DPP4: variants seen among roughly 807,000 people sequenced by gnomAD.
DPP4 encodes the protein dipeptidyl peptidase 4, also known as ADCP-2.
DPP4 carries 93 observed loss-of-function variants against 122.4 expected under a neutral mutation model. The observed-to-expected ratio is 0.76, with a 90% confidence interval of 0.64 to 0.90. DPP4 has a LOEUF of 0.90. DPP4 is among the 40% of genes least tolerant of loss of function. The pLI is 0.00. For synonymous variants in DPP4, 321 were observed against 302.9 expected (o/e 1.06, Z -0.62); for missense variants, 914 against 907.3 (o/e 1.01, Z -0.09).
chr2:162,011,509 A>T (rs546956544), intron 20 of DPP4, among the ~76,000 whole-genome samples: 1 of 151,980 alleles, frequency 6.6e-6, no homozygotes, highest in Admixed American at 6.5e-5. Context: ...ATGAATTTTG[A>T]TTTTCTGTTC....
intron 10 of DPP4, 137 bp from the exon 11 acceptor site, chr2:162,025,076 A>G: frequency 1.1e-6 from 1 of 917,462 alleles, no homozygotes; most frequent in Non-Finnish European, 1.6e-6. Context: ...GGTTAATGAA[A>G]CCATTTAATA....
rs534705999 is a variant in DPP4 at position 162,073,947 on chromosome 2, C to T, written c.6+29G>A. On this transcript the variant is annotated intron_variant, in intron 1 of 25. Transcript: ENST00000360534. ...TGGCGAAGAGGTCCCCACAGCTCGC[C>T]CCGGGGACGTACGTGGCGCGGCACT... 7 of 1,611,466 alleles carry T rather than the reference C, an allele frequency of 4.3e-6. No homozygotes were observed. In the South Asian group the frequency reaches 7.7e-5, roughly 18 times the overall value.
At chr2:161,995,460 C>T (rs1302288452) in intron 23 of DPP4, 88 bp from the exon 24 acceptor site, 2 of 1,283,876 alleles carry the variant, frequency 1.6e-6, no homozygotes, top group East Asian at 2.3e-5. Context: ...AAAATGTTTT[C>T]AGCTGGGGCC....
intron 10 of DPP4, among the ~76,000 whole-genome samples, chr2:162,031,505 A>G (rs1683549776): frequency 6.6e-6 from 1 of 152,150 alleles, no homozygotes; most frequent in African/African-American, 2.4e-5. Context: ...TCCTCCCTAC[A>G]GGCAGATATT....
chr2:162,044,265 C>T (rs1001227912), intron 5 of DPP4, among the ~76,000 whole-genome samples: 1 of 152,150 alleles, frequency 6.6e-6, no homozygotes, highest in Non-Finnish European at 1.5e-5. Context: ...TTTAACAGAA[C>T]ATAGAGTCTT....
chr2:162,045,869 C>T (rs1476703915), intron 4 of DPP4, among the ~76,000 whole-genome samples: 3 of 152,188 alleles, frequency 2.0e-5, no homozygotes, highest in Admixed American at 2.0e-4. Context: ...GAAAAGAAAA[C>T]TTTCTCAACA....
chr2:162,010,966 A>G (rs1355798643), intron 20 of DPP4, among the ~76,000 whole-genome samples: 3 of 152,126 alleles, frequency 2.0e-5, no homozygotes, highest in African/African-American at 7.2e-5. Flanking sequence ...TACATTTCCC[A>G]CATACCAGTT....
Position 162,024,927 on chromosome 2 carries a change from C to T in DPP4, c.900G>A (p.Leu300=). 6.2e-7 allele frequency: 1 copy of T among 1,613,292 alleles called. No individual in the cohort carries two copies. Among genetic ancestry groups the T allele is most frequent in the South Asian group, 1.1e-5 (1 of 91,042 alleles). ...PASMLIGDHY[L]CDVTWATQER... ...CTTGTGTTGCCCATGTCACATCACACAAGTAGTGATCCCTGGAAGGAAGAA... is the reference window on the plus strand; with the variant it reads ...CTTGTGTTGCCCATGTCACATCACATAAGTAGTGATCCCTGGAAGGAAGAA... The change falls in exon 11 of 26, where the codon TTG becomes TTA. Residue 300 remains leucine (L), a synonymous_variant. Transcript: ENST00000360534.
At chr2:162,013,022 T>G (rs1452119439) in intron 19 of DPP4, among the ~76,000 whole-genome samples, 1 of 152,112 alleles carries the variant, frequency 6.6e-6, no homozygotes, top group Non-Finnish European at 1.5e-5. Context: ...TTTTTTCACA[T>G]GTGAAATGCC....
rs187675078 is a variant in DPP4, at chr2:162,038,887, T to C, written c.492+62A>G. On this transcript the variant is annotated intron_variant, in intron 7 of 25. Coordinates refer to ENST00000360534, the MANE Select transcript of DPP4 (RefSeq NM_001935.4). Reference sequence around the variant, plus strand: ...GATGTCTGCTTTGTATCAGGGTTAGTAACTTCTGCCTATGAAAAATTTGAG... The same window carrying C: ...GATGTCTGCTTTGTATCAGGGTTAGCAACTTCTGCCTATGAAAAATTTGAG... 120 of 1,439,280 alleles carry C rather than the reference T, an allele frequency of 8.3e-5. 1 individual carries two copies. In the East Asian group the frequency reaches 2.6e-3, roughly 31 times the overall value. The allele number at this position is 1,439,280 out of a possible 1,614,324, so 89.2% of individuals were successfully genotyped here.
At position 162,011,874 on chromosome 2, in the gene DPP4, C is replaced by A; in HGVS notation, c.1751G>T (p.Gly584Val). The change falls in exon 20 of 26, where the codon GGT (glycine) becomes GTT (valine). Residue 584 changes from glycine (G) to valine (V), a missense_variant. Transcript: ENST00000360534. ...ATGCATGATCTTATCTCCTTGGTAA[C>A]CACTTCCTCTGCCATCAAAGCTAGC... Reference protein sequence around the residue: ...IVASFDGRGSGYQGDKIMHAI... With the variant: ...IVASFDGRGSVYQGDKIMHAI... The A allele has an allele frequency of 1.2e-6, 2 of 1,613,804 alleles. No homozygotes were observed. The highest frequency in any genetic ancestry group is 1.7e-6 in the Non-Finnish European group (2 of 1,179,770).
At chr2:162,034,375 T>C (rs568468294) in intron 9 of DPP4, among the ~76,000 whole-genome samples, 1 of 152,276 alleles carries the variant, frequency 6.6e-6, no homozygotes, top group South Asian at 2.1e-4. Context: ...CCATATTTAG[T>C]CTCTGATCTT....
chr2:162,006,840 C>T (rs1359239117), intron 22 of DPP4, among the ~76,000 whole-genome samples: 1 of 151,982 alleles, frequency 6.6e-6, no homozygotes, highest in Non-Finnish European at 1.5e-5. Context: ...TTTTATCTTG[C>T]CATTGTGCTA....
chr2:162,065,545 T>G (rs1225943102), intron 2 of DPP4, among the ~76,000 whole-genome samples: 1 of 152,184 alleles, frequency 6.6e-6, no homozygotes, highest in Non-Finnish European at 1.5e-5. Flanking sequence ...TCAAATAACT[T>G]TTGGCCAGGT....
chr2:162,002,008 C>A (rs1385954120), intron 23 of DPP4, among the ~76,000 whole-genome samples: 1 of 152,100 alleles, frequency 6.6e-6, no homozygotes, highest in Non-Finnish European at 1.5e-5. Context: ...TGATTATCTT[C>A]AAAAAGAGTC....
chr2:162,026,135 C>A (rs1385248594), intron 10 of DPP4, among the ~76,000 whole-genome samples: 1 of 152,170 alleles, frequency 6.6e-6, no homozygotes, highest in Non-Finnish European at 1.5e-5. Context: ...CAATTTCCAT[C>A]TCCACTCCCT....
At chr2:162,039,613 G>T (rs1413594665) in intron 5 of DPP4, among the ~76,000 whole-genome samples, 1 of 152,010 alleles carries the variant, frequency 6.6e-6, no homozygotes, top group Non-Finnish European at 1.5e-5. Flanking sequence ...GATGATGAAA[G>T]GTAAAGTGTT....
rs1329170588 is a variant in DPP4, at chr2:162,019,352, C to T, written c.1245-76G>A. ...CAGAGGCGATCCACCGCACTCAGAC[C>T]CCAAGCCTAAGTGTGCACGGAGCGC... On this transcript the variant is annotated intron_variant, in intron 14 of 25. Coordinates refer to ENST00000360534, the MANE Select transcript of DPP4 (RefSeq NM_001935.4). 2.9e-6 allele frequency: 3 copies of T among 1,045,492 alleles called. No individual in the cohort carries two copies. The Admixed American group carries it at 7.2e-5, about 25-fold the overall frequency. The allele number at this position is 1,045,492 out of a possible 1,614,324, so 64.8% of individuals were successfully genotyped here.
chr2:162,050,585 T>G (rs1035114066), intron 2 of DPP4, among the ~76,000 whole-genome samples: 9 of 152,186 alleles, frequency 5.9e-5, no homozygotes, highest in Non-Finnish European at 1.2e-4. Context: ...TCGGCTGCGT[T>G]AGAATAACCC....
Sources: gnomAD v4.1 joint callset for allele counts (sites outside exome capture counted in the v4.1 genomes callset) on GRCh38, gnomAD v4.1.1 for gene constraint, MANE v1.5 for transcripts, NCBI Gene and HGNC (gene_info 2026-07-23, HGNC 2026-07-21) for gene names.